The following PITPNB variants were observed in gnomAD, a reference collection of about 807,000 sequenced individuals.
PITPNB encodes phosphatidylinositol transfer protein beta.
PITPNB carries 16 observed loss-of-function variants against 45.9 expected under a neutral mutation model. The observed-to-expected ratio is 0.35, with a 90% CI of 0.24 to 0.53. PITPNB has a LOEUF of 0.53. Among genes scored for constraint, PITPNB ranks in the 20% least tolerant of loss-of-function variants. The probability of loss-of-function intolerance (pLI) is 0.93; values close to 1 mark genes in which losing one functional copy is unlikely to be tolerated. For missense variants in PITPNB, 188 were observed against 330.5 expected (o/e 0.57, Z 3.34); for synonymous variants, 112 against 108.9 (o/e 1.03, Z -0.18).
In PITPNB at chr22:27,894,574, C is replaced by A. The variant is rs1461122871; in HGVS notation, c.437G>T (p.Arg146Ile). The A allele has an allele frequency of 1.3e-6, 2 of 1,586,832 alleles. No homozygotes were observed. Among genetic ancestry groups the A allele is most frequent in the East Asian group, 4.5e-5 (2 of 44,652 alleles). ...VEIVHIDIADRSQVEPADYKA... is the reference protein window; with the variant it reads ...VEIVHIDIADISQVEPADYKA... ...ACTTACTGCTGGTTCAACTTGACTT[C>A]TATCTGCAATATCTATATGGACAAT... is the stretch of plus-strand genomic sequence containing the variant. Residue 146 changes from arginine to isoleucine, a missense_variant, in exon 7 of 12, where the codon AGA becomes ATA. Coordinates refer to ENST00000335272, the MANE Select transcript of PITPNB (RefSeq NM_012399.5).
At chr22:27,862,178 C>T (rs1282392975) in intron 8 of PITPNB, among the ~76,000 whole-genome samples, 1 of 152,106 alleles carries the variant, frequency 6.6e-6, no homozygotes, top group Admixed American at 6.5e-5. Context: ...CAAAAAGCTG[C>T]GTGTGAGCAA....
intron 8 of PITPNB, among the ~76,000 whole-genome samples, chr22:27,866,649 T>C (rs1934493612): frequency 6.6e-6 from 1 of 152,224 alleles, no homozygotes; most frequent in Non-Finnish European, 1.5e-5. Context: ...TTTTCCTATT[T>C]AAAACTGTGT....
At chr22:27,855,547 AAAAACGAAATGAACAG>A (rs1934148016) in intron 10 of PITPNB, among the ~76,000 whole-genome samples, 1 of 152,248 alleles carries the variant, frequency 6.6e-6, no homozygotes, top group Non-Finnish European at 1.5e-5. Flanking sequence ...TGAGAAAACA[AAAAACGAAATGAACAG>A]AAAACAAACA....
At chr22:27,879,985 T>A (rs1254532826) in intron 7 of PITPNB, among the ~76,000 whole-genome samples, 1 of 152,196 alleles carries the variant, frequency 6.6e-6, no homozygotes, top group East Asian at 1.9e-4. Flanking sequence ...AACATTTTTT[T>A]AAAGTAAGAA....
intron 10 of PITPNB, among the ~76,000 whole-genome samples, chr22:27,857,046 A>C (rs2146345042): frequency 6.6e-6 from 1 of 152,294 alleles, no homozygotes; most frequent in East Asian, 1.9e-4. Context: ...GGCTAGACTA[A>C]AAATAAGGAA....
At chr22:27,868,437 A>G (rs1934548469) in intron 8 of PITPNB, among the ~76,000 whole-genome samples, 1 of 152,202 alleles carries the variant, frequency 6.6e-6, no homozygotes, top group Non-Finnish European at 1.5e-5. Flanking sequence ...TTTCACAGAC[A>G]TGGGGTAGAC....
chr22:27,903,489 T>G (rs12165684), intron 3 of PITPNB, among the ~76,000 whole-genome samples: 4,272 of 136,442 alleles, frequency 0.031, 89 homozygotes, highest in South Asian at 0.056. Context: ...AAAAAAAGAA[T>G]GGGCAGCCAA....
At chr22:27,907,530 T>G (rs1401035326) in intron 3 of PITPNB, among the ~76,000 whole-genome samples, 1 of 152,198 alleles carries the variant, frequency 6.6e-6, no homozygotes, top group Non-Finnish European at 1.5e-5. Flanking sequence ...ACTGTCAGAA[T>G]AGTCATTATT....
chr22:27,908,099 T>C (rs1935816187), intron 3 of PITPNB, among the ~76,000 whole-genome samples: 1 of 151,852 alleles, frequency 6.6e-6, no homozygotes, highest in African/African-American at 2.4e-5. Context: ...ACCATATTTA[T>C]CTAGCCCTCT....
At position 27,919,201 on chromosome 22, in the gene PITPNB, A is replaced by G; in HGVS notation, c.-10T>C. 4 of 1,608,598 alleles carry G rather than the reference A, an allele frequency of 2.5e-6. No homozygotes were observed. Among genetic ancestry groups the G allele is most frequent in the Non-Finnish European group, 3.4e-6 (4 of 1,178,218 alleles). ...CCTTGATCAGCACCATCTTCCCGGAACCCCCTCACAGCTGCCGCCGATACC... is the reference window on the plus strand; with the variant it reads ...CCTTGATCAGCACCATCTTCCCGGAGCCCCCTCACAGCTGCCGCCGATACC... On this transcript the variant is annotated 5_prime_UTR_variant, in exon 1 of 12. Coordinates refer to ENST00000335272, the MANE Select transcript of PITPNB (RefSeq NM_012399.5).
chr22:27,918,830 C>T (rs1936173785), intron 1 of PITPNB, among the ~76,000 whole-genome samples: 1 of 152,054 alleles, frequency 6.6e-6, no homozygotes. Context: ...CACCGGCGGG[C>T]CTGGGGGTGG....
At chr22:27,873,466 C>T (rs963519602) in intron 8 of PITPNB, among the ~76,000 whole-genome samples, 2 of 152,142 alleles carry the variant, frequency 1.3e-5, no homozygotes, top group Non-Finnish European at 2.9e-5. Flanking sequence ...CAAAAGAGAA[C>T]ATTAGAATCC....
At chr22:27,866,927 T>C (rs1934501637) in intron 8 of PITPNB, among the ~76,000 whole-genome samples, 1 of 152,160 alleles carries the variant, frequency 6.6e-6, no homozygotes, top group Admixed American at 6.6e-5. Flanking sequence ...GAAATATATG[T>C]GACGTCTATG....
intron 7 of PITPNB, among the ~76,000 whole-genome samples, chr22:27,884,917 C>T (rs932366979): frequency 6.6e-6 from 1 of 151,744 alleles, no homozygotes; most frequent in African/African-American, 2.4e-5. Flanking sequence ...GAAAATTATA[C>T]AAATAAAGTC....
At chr22:27,904,635 T>A (rs977624600) in intron 3 of PITPNB, among the ~76,000 whole-genome samples, 1 of 152,200 alleles carries the variant, frequency 6.6e-6, no homozygotes, top group East Asian at 1.9e-4. Context: ...ATAAATTATA[T>A]CTCAATTAAT....
intron 10 of PITPNB, among the ~76,000 whole-genome samples, 157 bp downstream of exon 10, chr22:27,858,230 T>C (rs930313899): frequency 6.6e-6 from 1 of 152,234 alleles, no homozygotes; most frequent in African/African-American, 2.4e-5. Flanking sequence ...TGTGAAGGAA[T>C]AGCAGTGTCT....
chr22:27,867,934 G>A (rs1308823266), intron 8 of PITPNB, among the ~76,000 whole-genome samples: 1 of 151,786 alleles, frequency 6.6e-6, no homozygotes, highest in Non-Finnish European at 1.5e-5. Flanking sequence ...AATATAATTA[G>A]TACATACTAT....
At chr22:27,862,193 T>C (rs1217201077) in intron 8 of PITPNB, among the ~76,000 whole-genome samples, 1 of 152,156 alleles carries the variant, frequency 6.6e-6, no homozygotes, top group Non-Finnish European at 1.5e-5. Context: ...GAGCAAAGAT[T>C]CTCAAATCGG....
In PITPNB at chr22:27,852,637, C is replaced by G. The variant is rs1406259550; in HGVS notation, c.*1065G>C. On this transcript the variant is annotated 3_prime_UTR_variant, in exon 12 of 12. Coordinates refer to ENST00000335272, the MANE Select transcript of PITPNB (RefSeq NM_012399.5). ...CTCCTCCTTGAAGTGTGTGTTCCCA[C>G]AAGAAGAGCAAAATGTCATCACTAA... 6.6e-6 allele frequency: 1 copy of G among 152,222 alleles called. No individual in the cohort carries two copies. Among genetic ancestry groups the G allele is most frequent in the Non-Finnish European group, 1.5e-5 (1 of 68,048 alleles). 9.4% of individuals were successfully genotyped at this position (152,222 alleles called of 1,614,324 possible).
Sources: gnomAD v4.1 joint callset for allele counts (sites outside exome capture counted in the v4.1 genomes callset) on GRCh38, gnomAD v4.1.1 for gene constraint, MANE v1.5 for transcripts, NCBI Gene and HGNC (gene_info 2026-07-23, HGNC 2026-07-21) for gene names.